Variants in DDX4 observed in about 807,000 individuals in gnomAD.
The protein encoded by DDX4 is DEAD-box helicase 4.
In DDX4, 25 loss-of-function variants were observed where a neutral mutation model predicts 100.0. That is an observed-to-expected ratio of 0.25 (90% confidence interval 0.18 to 0.35). The LOEUF (loss-of-function observed/expected upper bound fraction) is 0.35, where lower values mean the gene tolerates loss of function less well. Among genes scored for constraint, DDX4 ranks in the 10% least tolerant of loss-of-function variants. The pLI, the probability that DDX4 is intolerant of heterozygous loss-of-function variation, is 1.00. For synonymous variants in DDX4, 259 were observed against 275.7 expected, an observed-to-expected ratio of 0.94 and a Z score of 0.60; for missense variants, 635 against 882.4, an observed-to-expected ratio of 0.72 and a Z score of 3.55.
chr5:55,738,547 A>G (rs931660614), intron 1 of DDX4, among the ~76,000 whole-genome samples: 1 of 151,774 alleles, frequency 6.6e-6, no homozygotes, highest in Non-Finnish European at 1.5e-5. Flanking sequence ...CAAACATCCT[A>G]TCCACCTTGG....
At chr5:55,790,467 T>C (rs1398633931) in intron 15 of DDX4, 109 bp from the exon 16 acceptor site, 1 of 761,430 alleles carries the variant, frequency 1.3e-6, no homozygotes, top group South Asian at 1.8e-5. Flanking sequence ...TTTTTTTAGA[T>C]AGTTGAATGT....
chr5:55,756,102 A>G (rs751430499), intron 3 of DDX4, among the ~76,000 whole-genome samples: 1 of 152,174 alleles, frequency 6.6e-6, no homozygotes, highest in East Asian at 1.9e-4. Context: ...GTAAATTAAA[A>G]TATTGATGGT....
chr5:55,759,414 A>G (rs1014218802), intron 3 of DDX4, among the ~76,000 whole-genome samples: 2 of 152,088 alleles, frequency 1.3e-5, no homozygotes, highest in African/African-American at 4.8e-5. Flanking sequence ...GGGATTTTAA[A>G]CAATTTTTTT....
chr5:55,785,475 A>C lies in DDX4; in HGVS notation c.702A>C (p.Gly234=). ...CTTGGAAGTCAGAAGCAGAAGGAGG[A>C]GAAAGTAGTGATACTCAAGGTATAT... ...KNSWKSEAEG[G]ESSDTQGPKV... is the part of the protein sequence containing the mutation. The change falls in exon 12 of 22, where the codon GGA becomes GGC. Residue 234 remains glycine, a synonymous_variant. Coordinates refer to ENST00000505374, the MANE Select transcript of DDX4 (RefSeq NM_024415.3). 1.2e-6 allele frequency: 2 copies of C among 1,607,112 alleles called. No individual in the cohort carries two copies. Among genetic ancestry groups the C allele is most frequent in the Non-Finnish European group, 1.7e-6 (2 of 1,175,378 alleles).
chr5:55,747,415 A>G (rs1408362227), intron 3 of DDX4, among the ~76,000 whole-genome samples: 5 of 152,152 alleles, frequency 3.3e-5, no homozygotes, highest in African/African-American at 9.7e-5. Flanking sequence ...TTAGCTGGTC[A>G]TGGTGGCCTG....
intron 19 of DDX4, among the ~76,000 whole-genome samples, chr5:55,814,310 G>A (rs1580616714): frequency 6.6e-6 from 1 of 152,274 alleles, no homozygotes; most frequent in East Asian, 1.9e-4. Flanking sequence ...GATTATAATA[G>A]GATTTGATTT....
At chr5:55,806,592 C>T (rs1373126948) in intron 18 of DDX4, among the ~76,000 whole-genome samples, 1 of 152,200 alleles carries the variant, frequency 6.6e-6, no homozygotes, top group Non-Finnish European at 1.5e-5. Context: ...ACCCAGTAGT[C>T]ATTCAGGAGC....
intron 3 of DDX4, among the ~76,000 whole-genome samples, chr5:55,757,915 C>T (rs1032713385): frequency 2.6e-5 from 4 of 152,058 alleles, no homozygotes; most frequent in African/African-American, 7.2e-5. Flanking sequence ...TATTGTGGTA[C>T]ACGCCTCTAG....
chr5:55,811,516 A>T (rs1744122130), intron 18 of DDX4, among the ~76,000 whole-genome samples: 1 of 152,178 alleles, frequency 6.6e-6, no homozygotes, highest in South Asian at 2.1e-4. Context: ...AAACTCCAGG[A>T]TTGTCAGTGT....
intron 21 of DDX4, 84 bp from the exon 22 acceptor site, chr5:55,816,379 T>C (rs1446469802): frequency 2.8e-5 from 42 of 1,510,498 alleles, no homozygotes; most frequent in Non-Finnish European, 3.3e-5. Flanking sequence ...GTCCTTGCTC[T>C]CAGTCTGAGT....
chr5:55,776,137 A>G (rs1007473698), intron 7 of DDX4, among the ~76,000 whole-genome samples: 4 of 152,218 alleles, frequency 2.6e-5, no homozygotes. Context: ...AAAAAACAAG[A>G]AAAGGACTCA....
At chr5:55,766,753 G>C (rs1021846720) in intron 6 of DDX4, 16 of 287,330 alleles carry the variant, frequency 5.6e-5, no homozygotes, top group Non-Finnish European at 7.8e-5. Flanking sequence ...TCATTATTTT[G>C]ACTTAATGTT....
intron 15 of DDX4, among the ~76,000 whole-genome samples, chr5:55,788,661 C>T (rs1411195319): frequency 6.6e-6 from 1 of 152,100 alleles, no homozygotes; most frequent in Non-Finnish European, 1.5e-5. Context: ...TTTTTAATGA[C>T]TTTTAAATTG....
At position 55,816,474 on chromosome 5, in the gene DDX4, T is replaced by G; in HGVS notation, c.2109T>G (p.Thr703=). The change falls in exon 22 of 22, where the codon ACT becomes ACG. Residue 703 remains threonine, a synonymous_variant. Transcript: ENST00000505374. ...ASVDTRKGKS[T]LNTAGFSSSQ... is the part of the protein sequence containing the mutation. ...TAAATAATTACCAGGGCAAGAGCAC[T>G]TTGAACACAGCTGGGTTTTCTTCTT... is the stretch of plus-strand genomic sequence containing the variant. 3 of 1,610,942 alleles carry G rather than the reference T, an allele frequency of 1.9e-6. No individual in the cohort carries two copies. Among genetic ancestry groups the G allele is most frequent in the Non-Finnish European group, 2.5e-6 (3 of 1,178,302 alleles).
At chr5:55,808,670 C>T (rs1173825601) in intron 18 of DDX4, among the ~76,000 whole-genome samples, 1 of 152,236 alleles carries the variant, frequency 6.6e-6, no homozygotes, top group African/African-American at 2.4e-5. Flanking sequence ...CTGATCGTTC[C>T]TCTGGAAGTT....
At chr5:55,810,669 C>A (rs908013298) in intron 18 of DDX4, among the ~76,000 whole-genome samples, 7 of 152,068 alleles carry the variant, frequency 4.6e-5, no homozygotes, top group Non-Finnish European at 1.0e-4. Context: ...AGTAATACAT[C>A]TAAAAAAAAT....
At chr5:55,749,797 G>A (rs1363849873) in intron 3 of DDX4, among the ~76,000 whole-genome samples, 1 of 143,790 alleles carries the variant, frequency 7.0e-6, no homozygotes, top group Non-Finnish European at 1.5e-5. Flanking sequence ...CAATTCTTTT[G>A]TATGTGTGTG....
intron 6 of DDX4, among the ~76,000 whole-genome samples, chr5:55,764,776 A>C (rs552512855): frequency 5.3e-4 from 81 of 152,314 alleles, no homozygotes; most frequent in South Asian, 3.9e-3. Flanking sequence ...TTTCTAAGCC[A>C]GTTTTCTGTT....
chr5:55,803,885 C>T (rs1157325713), intron 18 of DDX4, among the ~76,000 whole-genome samples: 1 of 152,134 alleles, frequency 6.6e-6, no homozygotes, highest in Non-Finnish European at 1.5e-5. Context: ...AGTTCTAGAT[C>T]CCTGAGGAAT....
Sources: allele counts gnomAD v4.1 joint callset (sites outside exome capture counted in the v4.1 genomes callset), GRCh38; gene constraint gnomAD v4.1.1; transcripts MANE v1.5; gene names NCBI Gene and HGNC (gene_info 2026-07-23, HGNC 2026-07-21).